The following RGS6 variants were observed in gnomAD, a reference collection of about 807,000 sequenced individuals.
RGS6 encodes the protein regulator of G protein signaling 6.
Under a neutral mutation model 78.5 loss-of-function variants are expected in RGS6, and 30 were observed. The observed-to-expected ratio is 0.38, with a 90% CI of 0.29 to 0.52. The LOEUF (loss-of-function observed/expected upper bound fraction) is 0.52, where lower values mean the gene tolerates loss of function less well. Among genes scored for constraint, RGS6 ranks in the 20% least tolerant of loss-of-function variants. The pLI, the probability that RGS6 is intolerant of heterozygous loss-of-function variation, is 0.85. For missense variants in RGS6, 495 were observed against 609.7 expected (o/e 0.81, Z 1.98); for synonymous variants, 206 against 206.0 (o/e 1.00, Z 0.00).
At chr14:72,556,369 T>C (rs146234951) in intron 17 of RGS6, among the ~76,000 whole-genome samples, 8 of 152,138 alleles carry the variant, frequency 5.3e-5, no homozygotes, top group African/African-American at 1.9e-4. Context: ...ATCACGAGAA[T>C]AGCATGGGGG....
intron 3 of RGS6, among the ~76,000 whole-genome samples, chr14:72,418,129 G>A (rs774978074): frequency 1.3e-5 from 2 of 151,526 alleles, no homozygotes; most frequent in African/African-American, 2.4e-5. Context: ...ACCATGAAGC[G>A]GACACATCAT....
At chr14:72,178,271 T>C (rs934816255) in intron 2 of RGS6, among the ~76,000 whole-genome samples, 1 of 152,250 alleles carries the variant, frequency 6.6e-6, no homozygotes, top group African/African-American at 2.4e-5. Context: ...ACCCAGCCCC[T>C]GCCCTACTGG....
chr14:72,005,862 TATTC>T (rs1470672863), intron 2 of RGS6, among the ~76,000 whole-genome samples: 1 of 152,138 alleles, frequency 6.6e-6, no homozygotes, highest in Non-Finnish European at 1.5e-5. Flanking sequence ...ATTTTTACTT[TATTC>T]ATTATTGTTT....
chr14:72,251,275 T>C (rs2055696015), intron 2 of RGS6, among the ~76,000 whole-genome samples: 1 of 152,218 alleles, frequency 6.6e-6, no homozygotes, highest in African/African-American at 2.4e-5. Context: ...TTTGTCTGGG[T>C]ATGGTCAGAA....
chr14:72,053,589 G>A (rs1176124531), intron 2 of RGS6, among the ~76,000 whole-genome samples: 2 of 152,152 alleles, frequency 1.3e-5, no homozygotes, highest in African/African-American at 4.8e-5. Context: ...GGGGGCTTGG[G>A]GGCTCCCCAA....
intron 2 of RGS6, among the ~76,000 whole-genome samples, chr14:72,336,570 G>C (rs1006312610): frequency 6.6e-6 from 1 of 152,156 alleles, no homozygotes; most frequent in Non-Finnish European, 1.5e-5. Context: ...AAGAGGAAGA[G>C]AGAGAGGACA....
the RGS6 span, among the ~76,000 whole-genome samples, chr14:71,873,078 T>C: frequency 6.6e-6 from 1 of 152,216 alleles, no homozygotes; most frequent in Non-Finnish European, 1.5e-5. Context: ...TCTTTGCTAT[T>C]GTGAATAGTG....
At chr14:72,443,224 C>G (rs1317000592) in intron 3 of RGS6, among the ~76,000 whole-genome samples, 1 of 152,186 alleles carries the variant, frequency 6.6e-6, no homozygotes, top group African/African-American at 2.4e-5. Flanking sequence ...TTCAAACTCT[C>G]ACAGAACAGA....
rs11332387 is a variant in RGS6 at position 72,156,453 on chromosome 14, CAAAAAAAA to C, written c.84+191596_84+191603del. Among the ~76,000 whole-genome samples the C allele has an allele frequency of 2.0e-4, 15 of 76,778 alleles. No homozygotes were observed. The East Asian group carries it at 5.0e-3, about 26-fold the overall frequency. 50.4% of individuals were successfully genotyped at this position (76,778 alleles called of 152,430 possible). ...TGGGTGACAGGGTGAGACTCCATCT[CAAAAAAAA>C]AAAAAAAAAAAAAAAAATAGTGGTG... On this transcript the variant is annotated intron_variant, in intron 2 of 17. Transcript: ENST00000553525.
intron 2 of RGS6, among the ~76,000 whole-genome samples, chr14:72,171,271 G>A (rs1443614409): frequency 3.9e-5 from 6 of 151,968 alleles, no homozygotes; most frequent in Non-Finnish European, 8.8e-5. Flanking sequence ...ACCTGTGCAT[G>A]AACACACAAA....
At chr14:71,922,722 A>C in the RGS6 span, among the ~76,000 whole-genome samples, 1 of 152,164 alleles carries the variant, frequency 6.6e-6, no homozygotes, top group Admixed American at 6.5e-5. Context: ...AGTCTGTGTT[A>C]GTTTCTTAGT....
intron 3 of RGS6, among the ~76,000 whole-genome samples, chr14:72,417,004 A>G (rs2093861619): frequency 6.6e-6 from 1 of 152,192 alleles, no homozygotes; most frequent in Non-Finnish European, 1.5e-5. Flanking sequence ...CTGCATCACG[A>G]CTGCTACTAT....
At chr14:71,926,068 C>T in the RGS6 span, among the ~76,000 whole-genome samples, 1 of 152,088 alleles carries the variant, frequency 6.6e-6, no homozygotes, top group Non-Finnish European at 1.5e-5. Context: ...AACATTAATA[C>T]TGTCAAAATG....
the RGS6 span, among the ~76,000 whole-genome samples, chr14:72,599,410 T>G: frequency 5.0e-3 from 592 of 117,962 alleles, 17 homozygotes; most frequent in Non-Finnish European, 7.4e-3. Context: ...TTTTTTTTTT[T>G]TTTTTTTTTT....
At chr14:72,037,424 C>T (rs2091873425) in intron 2 of RGS6, among the ~76,000 whole-genome samples, 1 of 152,136 alleles carries the variant, frequency 6.6e-6, no homozygotes, top group Non-Finnish European at 1.5e-5. Flanking sequence ...GTGAACTCAC[C>T]AGAAGGAAGA....
chr14:72,189,583 A>G (rs1409903611), intron 2 of RGS6, among the ~76,000 whole-genome samples: 1 of 152,100 alleles, frequency 6.6e-6, no homozygotes, highest in Non-Finnish European at 1.5e-5. Flanking sequence ...ATTGTGCAGT[A>G]AGTGATTTTT....
intron 17 of RGS6, among the ~76,000 whole-genome samples, chr14:72,557,596 C>T (rs2097599443): frequency 6.6e-6 from 1 of 152,162 alleles, no homozygotes; most frequent in Non-Finnish European, 1.5e-5. Context: ...CACACGTATA[C>T]ATCCTTTATG....
intron 2 of RGS6, among the ~76,000 whole-genome samples, chr14:71,978,743 G>T (rs931221428): frequency 6.6e-6 from 1 of 152,120 alleles, no homozygotes; most frequent in Non-Finnish European, 1.5e-5. Context: ...TTGTGTCTCT[G>T]CCAGGCTTTG....
chr14:72,233,223 C>T (rs117609180), intron 2 of RGS6, among the ~76,000 whole-genome samples: 532 of 152,248 alleles, frequency 3.5e-3, no homozygotes, highest in African/African-American at 0.011. Flanking sequence ...TGTAGAGAAG[C>T]GAGTTCCCTA....
Sources: gnomAD v4.1 joint callset for allele counts (sites outside exome capture counted in the v4.1 genomes callset) on GRCh38, gnomAD v4.1.1 for gene constraint, MANE v1.5 for transcripts, NCBI Gene and HGNC (gene_info 2026-07-23, HGNC 2026-07-21) for gene names.